Variants in NTNG1 observed in about 807,000 individuals in gnomAD.
The protein encoded by NTNG1 is netrin-G1.
A neutral mutation model predicts 54.0 loss-of-function variants in NTNG1; 16 were observed. The ratio of observed to expected loss-of-function variants is 0.30; its 90% CI spans 0.20 to 0.45. The LOEUF is 0.45. Among genes scored for constraint, NTNG1 ranks in the 20% least tolerant of loss-of-function variants. The pLI is 1.00. For synonymous variants in NTNG1, 255 were observed against 263.1 expected (o/e 0.97, Z 0.30); for missense variants, 530 against 678.7 (o/e 0.78, Z 2.43).
At chr1:107,460,196 C>T (rs1042150342) in intron 7 of NTNG1, among the ~76,000 whole-genome samples, 1 of 152,166 alleles carries the variant, frequency 6.6e-6, no homozygotes, top group African/African-American at 2.4e-5. Context: ...TCGTCGTGAG[C>T]TTCATGAAAC....
intron 2 of NTNG1, among the ~76,000 whole-genome samples, chr1:107,191,068 C>T (rs1657879724): frequency 2.6e-5 from 4 of 152,194 alleles, no homozygotes; most frequent in Admixed American, 2.6e-4. Flanking sequence ...TCCTATTTCT[C>T]CGCATCCTCT....
intron 2 of NTNG1, among the ~76,000 whole-genome samples, chr1:107,256,786 C>A (rs992559268): frequency 4.6e-5 from 7 of 152,180 alleles, no homozygotes; most frequent in Non-Finnish European, 8.8e-5. Context: ...ATTTACCCTG[C>A]AGAAACTAGA....
chr1:107,406,042 A>T (rs1230319563), intron 4 of NTNG1, among the ~76,000 whole-genome samples: 1 of 152,186 alleles, frequency 6.6e-6, no homozygotes, highest in African/African-American at 2.4e-5. Flanking sequence ...TTGGTTGATC[A>T]GTAATTAAGC....
intron 2 of NTNG1, among the ~76,000 whole-genome samples, chr1:107,320,510 C>T (rs1321537233): frequency 1.3e-5 from 2 of 151,960 alleles, no homozygotes; most frequent in Admixed American, 6.6e-5. Context: ...ATCCCTTTAA[C>T]AGGAATTATT....
rs12075909 is a variant in NTNG1 at position 107,278,786 on chromosome 1, G to A, written c.247-45496G>A. The stretch of plus-strand genomic sequence containing the variant: ...AATTTGTCTTCTGTTGATTATTTTC[G>A]TAACTTAAAAAAAAGATTTTCTTGA... On this transcript the variant is annotated intron_variant, in intron 2 of 7. Transcript: ENST00000370068. 4.1e-3 allele frequency among the ~76,000 whole-genome samples: 624 copies of A among 151,646 alleles called. 6 individuals are homozygous for A. Among genetic ancestry groups the A allele is most frequent in the African/African-American group, 0.015 (607 of 41,332 alleles).
At chr1:107,373,586 TC>T (rs1322176637) in intron 3 of NTNG1, among the ~76,000 whole-genome samples, 7 of 151,642 alleles carry the variant, frequency 4.6e-5, no homozygotes, top group Admixed American at 1.3e-4. Flanking sequence ...TTTTTTTTTT[TC>T]CTAAAGGACT....
chr1:107,456,438 G>T (rs1676961583), intron 7 of NTNG1, among the ~76,000 whole-genome samples: 2 of 152,100 alleles, frequency 1.3e-5, no homozygotes, highest in South Asian at 2.1e-4. Context: ...TCTGATTTTG[G>T]AGTCTCTTGT....
rs140401532 is a variant in NTNG1 at position 107,181,594 on chromosome 1, A to G, written c.246+32755A>G. Among the ~76,000 whole-genome samples the G allele has an allele frequency of 5.9e-3, 185 of 31,146 alleles. 1 individual carries two copies. The highest frequency in any genetic ancestry group is 0.013 in the Non-Finnish European group (140 of 10,552). 20.4% of individuals were successfully genotyped at this position (31,146 alleles called of 152,430 possible). On this transcript the variant is annotated intron_variant, in intron 2 of 7. Transcript: ENST00000370068. ...ATTCTTTTAAGTAATAGCCACACAA[A>G]TAATCGCAGATTACAGTGTCATACA...
At chr1:107,478,670 A>G (rs1049485808) in intron 7 of NTNG1, among the ~76,000 whole-genome samples, 3 of 152,246 alleles carry the variant, frequency 2.0e-5, no homozygotes, top group Admixed American at 1.3e-4. Context: ...GAAATATCCC[A>G]TTCAGCATTC....
At chr1:107,366,976 ATTAC>A (rs1342050999) in intron 3 of NTNG1, among the ~76,000 whole-genome samples, 2 of 152,140 alleles carry the variant, frequency 1.3e-5, no homozygotes, top group Non-Finnish European at 2.9e-5. Flanking sequence ...TAAAATGTAT[ATTAC>A]TTGCTTGATC....
intron 2 of NTNG1, among the ~76,000 whole-genome samples, chr1:107,159,902 A>G (rs1280302220): frequency 6.6e-6 from 1 of 152,192 alleles, no homozygotes; most frequent in Non-Finnish European, 1.5e-5. Flanking sequence ...CTTTTCCATT[A>G]ACGTGTTCAT....
intron 7 of NTNG1, among the ~76,000 whole-genome samples, chr1:107,462,580 G>C (rs545977192): frequency 2.6e-3 from 390 of 152,306 alleles, no homozygotes; most frequent in Non-Finnish European, 3.8e-3. Flanking sequence ...ACCACCAAAT[G>C]TGATACATTT....
intron 5 of NTNG1, among the ~76,000 whole-genome samples, chr1:107,426,029 T>C (rs1330431131): frequency 3.3e-5 from 5 of 152,142 alleles, no homozygotes; most frequent in African/African-American, 1.2e-4. Flanking sequence ...TGGGGTTGTT[T>C]GTTTTATTCT....
chr1:107,337,790 A>G (rs1391472172), intron 3 of NTNG1, among the ~76,000 whole-genome samples: 1 of 152,004 alleles, frequency 6.6e-6, no homozygotes, highest in East Asian at 1.9e-4. Context: ...AGATGGAGGA[A>G]GATGTTCAAC....
chr1:107,205,256 T>TC (rs1659088326), intron 2 of NTNG1, among the ~76,000 whole-genome samples: 1 of 152,170 alleles, frequency 6.6e-6, no homozygotes, highest in African/African-American at 2.4e-5. Context: ...AGACTTCTGC[T>TC]CCAGGTATGT....
At chr1:107,170,080 C>T (rs1656104587) in intron 2 of NTNG1, among the ~76,000 whole-genome samples, 1 of 152,120 alleles carries the variant, frequency 6.6e-6, no homozygotes, top group Admixed American at 6.6e-5. Context: ...ACTTAAATCA[C>T]ATCTATAAAA....
chr1:107,250,108 T>G (rs1437267401), intron 2 of NTNG1, among the ~76,000 whole-genome samples: 3 of 152,194 alleles, frequency 2.0e-5, no homozygotes, highest in Admixed American at 6.5e-5. Context: ...TGGCACAAAT[T>G]TATACCTTTA....
intron 7 of NTNG1, among the ~76,000 whole-genome samples, chr1:107,469,371 C>A (rs1677830190): frequency 6.6e-6 from 1 of 152,184 alleles, no homozygotes; most frequent in East Asian, 1.9e-4. Flanking sequence ...CTCTCCCATT[C>A]CCTGCCAAAT....
At chr1:107,205,383 C>T (rs1459179081) in intron 2 of NTNG1, among the ~76,000 whole-genome samples, 2 of 152,116 alleles carry the variant, frequency 1.3e-5, no homozygotes, top group East Asian at 3.9e-4. Context: ...TCAACTTATC[C>T]AGCGTTTCCT....
Sources: allele counts gnomAD v4.1 joint callset (sites outside exome capture counted in the v4.1 genomes callset), GRCh38; gene constraint gnomAD v4.1.1; transcripts MANE v1.5; gene names NCBI Gene and HGNC (gene_info 2026-07-23, HGNC 2026-07-21).